Variants in CCDC3 observed in about 807,000 individuals in gnomAD.
CCDC3 encodes the protein coiled-coil domain-containing protein 3.
CCDC3 carries 24 observed loss-of-function variants against 21.4 expected under a neutral mutation model. The ratio of observed to expected loss-of-function variants is 1.12; its 90% CI spans 0.81 to 1.58. The LOEUF is 1.58. CCDC3 is among the 40% of genes most tolerant of loss of function. The probability of loss-of-function intolerance (pLI) is 0.00; values close to 1 mark genes in which losing one functional copy is unlikely to be tolerated. For synonymous variants in CCDC3, 186 were observed against 166.0 expected (o/e 1.12, Z -0.93); for missense variants, 425 against 360.9 (o/e 1.18, Z -1.44).
intron 3 of CCDC3, among the ~76,000 whole-genome samples, chr10:13,074,913 G>A (rs982830365): frequency 4.6e-5 from 7 of 152,232 alleles, no homozygotes; most frequent in Admixed American, 1.3e-4. Context: ...CAGACAATAT[G>A]AGTGCCTTCT....
chr10:13,025,207 G>A (rs964036471), intron 5 of CCDC3, among the ~76,000 whole-genome samples: 1 of 152,176 alleles, frequency 6.6e-6, no homozygotes, highest in Non-Finnish European at 1.5e-5. Flanking sequence ...ACTGGATGCT[G>A]GTTGGAGGTT....
At chr10:13,083,922 A>C (rs1406312027) in intron 3 of CCDC3, among the ~76,000 whole-genome samples, 1 of 152,140 alleles carries the variant, frequency 6.6e-6, no homozygotes, top group East Asian at 1.9e-4. Flanking sequence ...AAGTAAAATA[A>C]CCTTGCTGAG....
intron 2 of CCDC3, among the ~76,000 whole-genome samples, chr10:12,907,409 C>G (rs1564278293): frequency 6.6e-6 from 1 of 152,182 alleles, no homozygotes; most frequent in Non-Finnish European, 1.5e-5. Context: ...CTTTGGGAGG[C>G]TGAGGTGGGA....
At chr10:12,954,607 G>A (rs775601283) in intron 2 of CCDC3, among the ~76,000 whole-genome samples, 21 of 152,138 alleles carry the variant, frequency 1.4e-4, no homozygotes, top group Non-Finnish European at 2.9e-4. Context: ...AAGAGAGAAG[G>A]GAGGCACCAG....
intron 5 of CCDC3, among the ~76,000 whole-genome samples, chr10:13,014,094 T>G (rs750766568): frequency 6.6e-6 from 1 of 151,618 alleles, no homozygotes; most frequent in Admixed American, 6.6e-5. Context: ...GAGATTGCAG[T>G]GAGCCGAGAT....
intron 4 of CCDC3, among the ~76,000 whole-genome samples, chr10:13,059,260 T>C (rs1836722505): frequency 6.6e-6 from 1 of 152,194 alleles, no homozygotes; most frequent in African/African-American, 2.4e-5. Flanking sequence ...GAGTCTTCAG[T>C]CTGGACCTTT....
intron 2 of CCDC3, among the ~76,000 whole-genome samples, chr10:12,905,489 G>A (rs1834155554): frequency 6.6e-6 from 1 of 152,134 alleles, no homozygotes; most frequent in Non-Finnish European, 1.5e-5. Flanking sequence ...ATGGATGAAG[G>A]GCAAAGGGTT....
At position 12,916,292 on chromosome 10, in the gene CCDC3, C is replaced by T. The variant is rs1834354924; in HGVS notation, c.550-17613G>A. On this transcript the variant is annotated intron_variant, in intron 2 of 2. Transcript: ENST00000378825. ...ACTACAAATACAAAAATTAGCTGGG[C>T]ATGGTGGTGCATGCCTGTAATCCCA... 2.6e-5 allele frequency among the ~76,000 whole-genome samples: 4 copies of T among 152,056 alleles called. No individual in the cohort carries two copies. The South Asian group carries it at 6.2e-4, about 24-fold the overall frequency.
chr10:12,972,864 G>T (rs1835362956), intron 2 of CCDC3, among the ~76,000 whole-genome samples: 1 of 152,088 alleles, frequency 6.6e-6, no homozygotes, highest in South Asian at 2.1e-4. Flanking sequence ...AAACCAGTTT[G>T]GTGTGGTTTC....
chr10:12,999,949 CTT>C (rs1390305001), intron 1 of CCDC3, among the ~76,000 whole-genome samples: 1 of 152,200 alleles, frequency 6.6e-6, no homozygotes, highest in African/African-American at 2.4e-5. Flanking sequence ...TATATAAAAA[CTT>C]AATCTAGCTG....
At chr10:12,905,352 T>C (rs926738117) in intron 2 of CCDC3, among the ~76,000 whole-genome samples, 1 of 152,228 alleles carries the variant, frequency 6.6e-6, no homozygotes, top group African/African-American at 2.4e-5. Flanking sequence ...CAACGGCTGC[T>C]TCCACAAAAC....
At chr10:12,900,086 G>C (rs1834069611) in intron 2 of CCDC3, among the ~76,000 whole-genome samples, 1 of 152,156 alleles carries the variant, frequency 6.6e-6, no homozygotes, top group Admixed American at 6.5e-5. Context: ...CATCATGTCA[G>C]ACATGACTTT....
intron 2 of CCDC3, among the ~76,000 whole-genome samples, chr10:12,953,083 T>A (rs1835031913): frequency 8.6e-6 from 1 of 116,684 alleles, no homozygotes; most frequent in Non-Finnish European, 2.1e-5. Flanking sequence ...CTGGGTAATT[T>A]ATACAGGAAA....
At chr10:13,074,153 A>ATATATATATATTTTTTT (rs1365749317) in intron 3 of CCDC3, 6 of 64,292 alleles carry the variant, frequency 9.3e-5, no homozygotes, top group African/African-American at 4.2e-4. Flanking sequence ...ATATATATAT[A>ATATATATATATTTTTTT]TTTTTTTTTT....
chr10:12,922,484 G>C (rs901115175), intron 2 of CCDC3, among the ~76,000 whole-genome samples: 2 of 152,282 alleles, frequency 1.3e-5, no homozygotes, highest in Admixed American at 1.3e-4. Context: ...TCCACAAAAT[G>C]GGGCCACTGC....
At chr10:12,993,057 C>A (rs1337080897) in intron 2 of CCDC3, among the ~76,000 whole-genome samples, 1 of 152,214 alleles carries the variant, frequency 6.6e-6, no homozygotes, top group East Asian at 1.9e-4. Flanking sequence ...CCAGCACAAA[C>A]CCCTGTTACT....
At chr10:12,925,370 C>G (rs975145282) in intron 2 of CCDC3, among the ~76,000 whole-genome samples, 1 of 151,402 alleles carries the variant, frequency 6.6e-6, no homozygotes, top group Non-Finnish European at 1.5e-5. Flanking sequence ...CTCCTTTTCC[C>G]TCTTTAAAGT....
At chr10:13,060,121 G>C (rs371270161) in intron 4 of CCDC3, among the ~76,000 whole-genome samples, 8 of 151,736 alleles carry the variant, frequency 5.3e-5, no homozygotes, top group African/African-American at 1.9e-4. Flanking sequence ...CTACATAATG[G>C]CTCCAAATCT....
intron 2 of CCDC3, among the ~76,000 whole-genome samples, chr10:12,970,736 C>T (rs529222979): frequency 3.0e-4 from 45 of 152,032 alleles, no homozygotes; most frequent in Admixed American, 2.0e-3. Context: ...AAATACAAAA[C>T]GTAGCTGGGC....
Sources: allele counts gnomAD v4.1 joint callset (sites outside exome capture counted in the v4.1 genomes callset), GRCh38; gene constraint gnomAD v4.1.1; transcripts MANE v1.5; gene names NCBI Gene and HGNC (gene_info 2026-07-23, HGNC 2026-07-21).